COL4A3: variants seen among roughly 807,000 people sequenced by gnomAD.
COL4A3 encodes collagen alpha-3(IV) chain.
A neutral mutation model predicts 217.4 loss-of-function variants in COL4A3; 135 were observed. That is an observed-to-expected ratio of 0.62 (90% CI 0.54 to 0.72). The LOEUF (loss-of-function observed/expected upper bound fraction) is 0.72. Ranked by LOEUF, COL4A3 falls within the 30% of genes least tolerant of loss-of-function variation. The pLI, the probability that COL4A3 is intolerant of heterozygous loss-of-function variation, is 0.00. For synonymous variants in COL4A3, 690 were observed against 736.3 expected (o/e 0.94, Z 1.02); for missense variants, 1,868 against 2,119.9 (o/e 0.88, Z 2.33).
At chr2:227,273,271 G>C (rs1219831281) in intron 26 of COL4A3, among the ~76,000 whole-genome samples, 154 bp downstream of exon 26, 2 of 151,942 alleles carry the variant, frequency 1.3e-5, no homozygotes, top group Admixed American at 6.6e-5. Flanking sequence ...GAATATGTAG[G>C]GTATGTTAGA....
chr2:227,249,230 A>ATATATTTTTTTTTTTTTTTT, intron 9 of COL4A3, among the ~76,000 whole-genome samples: 2 of 14,694 alleles, frequency 1.4e-4, no homozygotes, highest in South Asian at 4.2e-3. Flanking sequence ...ATATATATAT[A>ATATATTTTTTTTTTTTTTTT]TTTTTTTTTT....
At chr2:227,300,478 A>G (rs1386974900) in intron 43 of COL4A3, among the ~76,000 whole-genome samples, 1 of 152,144 alleles carries the variant, frequency 6.6e-6, no homozygotes, top group African/African-American at 2.4e-5. Context: ...CTCTCAATTC[A>G]TATTCTCTCT....
intron 1 of COL4A3, among the ~76,000 whole-genome samples, chr2:227,172,345 C>T (rs2065507482): frequency 6.6e-6 from 1 of 152,158 alleles, no homozygotes; most frequent in Non-Finnish European, 1.5e-5. Context: ...TCATGCCTGA[C>T]TAGCTACCTA....
chr2:227,238,658 ATTGT>A (rs1160143456), intron 2 of COL4A3, among the ~76,000 whole-genome samples: 10 of 152,226 alleles, frequency 6.6e-5, no homozygotes, highest in African/African-American at 2.4e-4. Flanking sequence ...ACACTAATTA[ATTGT>A]TTAACAACAT....
chr2:227,288,819 C>T (rs1376323238), intron 34 of COL4A3, among the ~76,000 whole-genome samples: 1 of 152,160 alleles, frequency 6.6e-6, no homozygotes, highest in African/African-American at 2.4e-5. Context: ...GACAGAAGCC[C>T]AAATCCGCCC....
intron 28 of COL4A3, chr2:227,279,571 T>C (rs1433998370): frequency 5.6e-6 from 3 of 536,990 alleles, no homozygotes; most frequent in Non-Finnish European, 9.9e-6. Flanking sequence ...ATCAAAATCA[T>C]GGCCCTACTA....
At position 227,247,546 on chromosome 2, in the gene COL4A3, C is replaced by T; in HGVS notation, c.442-12C>T. 6.2e-7 allele frequency: 1 copy of T among 1,613,880 alleles called. No homozygotes were observed. Among genetic ancestry groups the T allele is most frequent in the Non-Finnish European group, 8.5e-7 (1 of 1,179,902 alleles). The stretch of plus-strand genomic sequence containing the variant: ...TATTCCTCTAGTTGTTCATAGGTTG[C>T]TTTTTTCCTAGGGTGCTGCTGGTTT... On this transcript the variant is annotated splice_polypyrimidine_tract_variant and intron_variant, in intron 7 of 51. Coordinates refer to ENST00000396578, the MANE Select transcript of COL4A3 (RefSeq NM_000091.5).
chr2:227,312,023 C>T lies in COL4A3; in HGVS notation c.*153C>T. ...CAATTTGTTTCCCCACAAAACAAAG[C>T]AATTCTTTCAAGTCAGTTCTGTGAT... On this transcript the variant is annotated 3_prime_UTR_variant, in exon 52 of 52. Coordinates refer to ENST00000396578, the MANE Select transcript of COL4A3 (RefSeq NM_000091.5). The T allele has an allele frequency of 7.3e-7, 1 of 1,364,962 alleles. No individual in the cohort carries two copies. Among genetic ancestry groups the T allele is most frequent in the South Asian group, 1.3e-5 (1 of 76,846 alleles). 84.6% of individuals were successfully genotyped at this position (1,364,962 alleles called of 1,614,324 possible).
chr2:227,175,593 C>T (rs1371335574), intron 1 of COL4A3, among the ~76,000 whole-genome samples: 1 of 152,122 alleles, frequency 6.6e-6, no homozygotes, highest in East Asian at 1.9e-4. Context: ...AAGGAATATG[C>T]TGAGTATTTT....
At chr2:227,183,666 A>C (rs566545103) in intron 1 of COL4A3, among the ~76,000 whole-genome samples, 1 of 152,304 alleles carries the variant, frequency 6.6e-6, no homozygotes, top group South Asian at 2.1e-4. Context: ...TGGACACCAG[A>C]AAACAGAGTG....
At chr2:227,199,425 A>G (rs1003815705) in intron 1 of COL4A3, among the ~76,000 whole-genome samples, 1 of 152,240 alleles carries the variant, frequency 6.6e-6, no homozygotes, top group African/African-American at 2.4e-5. Flanking sequence ...TTTAAATATA[A>G]CCAGGTAATC....
chr2:227,169,335 G>A (rs1427920991), intron 1 of COL4A3: 2 of 151,090 alleles, frequency 1.3e-5, no homozygotes, highest in South Asian at 4.2e-4. Flanking sequence ...ATTGTGAATA[G>A]TGCCGCAATA....
chr2:227,304,126 G>A lies in COL4A3; in HGVS notation c.4135G>A (p.Gly1379Arg), dbSNP rs1328474979. Residue 1379 changes from glycine (G) to arginine (R), a missense_variant, in exon 46 of 52, where the codon GGG (glycine) becomes AGG (arginine). Gly to Arg is a moderately radical substitution (Grantham distance 125). This residue lies in a region of COL4A3 where 1,503 missense variants were observed against 1,786.1 expected (regional missense o/e 0.84). Coordinates refer to ENST00000396578, the MANE Select transcript of COL4A3 (RefSeq NM_000091.5). ...PGMQGEPGPP[G>R]PPGNLGPCGP... ...GATGCAGGGAGAACCTGGGCCACCAGGGCCACCTGGAAACCTAGGTGTGGG... is the reference window on the plus strand; with the variant it reads ...GATGCAGGGAGAACCTGGGCCACCAAGGCCACCTGGAAACCTAGGTGTGGG... 1.2e-6 allele frequency: 2 copies of A among 1,614,018 alleles called. No individual in the cohort carries two copies. The highest frequency in any genetic ancestry group is 3.3e-5 in the Admixed American group (2 of 59,994).
Position 227,314,754 on chromosome 2 carries a change from T to G in COL4A3, c.*2884T>G, listed in dbSNP as rs964433363. 1 of 152,006 alleles carries G rather than the reference T, an allele frequency of 6.6e-6. No homozygotes were observed. Among genetic ancestry groups the G allele is most frequent in the Non-Finnish European group, 1.5e-5 (1 of 67,990 alleles). The allele number at this position is 152,006 out of a possible 1,614,324, so 9.4% of individuals were successfully genotyped here. On this transcript the variant is annotated 3_prime_UTR_variant, in exon 52 of 52. Transcript: ENST00000396578. ...CTGTAATTATATCTAAAATATTATT[T>G]TATTATATTGCCTAAGAATAAACAT... is the stretch of plus-strand genomic sequence containing the variant.
Position 227,295,075 on chromosome 2 carries a change from C to A in COL4A3, c.3517+13C>A. 1.2e-6 allele frequency: 2 copies of A among 1,608,344 alleles called. No individual in the cohort carries two copies. The highest frequency in any genetic ancestry group is 2.2e-5 in the South Asian group (2 of 90,922). ...AAGGGAGAAACGGGTACAACTTGCTCATTATCTTTGATCCGTTAGTTTTAT... is the reference window on the plus strand; with the variant it reads ...AAGGGAGAAACGGGTACAACTTGCTAATTATCTTTGATCCGTTAGTTTTAT... On this transcript the variant is annotated intron_variant, in intron 40 of 51. Transcript: ENST00000396578.
chr2:227,200,903 T>C (rs937421468), intron 1 of COL4A3, among the ~76,000 whole-genome samples: 4 of 152,216 alleles, frequency 2.6e-5, no homozygotes, highest in Non-Finnish European at 5.9e-5. Context: ...TCTCTGCTTA[T>C]GTTTTGTTTG....
chr2:227,252,739 G>A (rs952907338), intron 11 of COL4A3, among the ~76,000 whole-genome samples: 1 of 152,002 alleles, frequency 6.6e-6, no homozygotes, highest in Non-Finnish European at 1.5e-5. Context: ...TCTAACAAGG[G>A]GAAGATCTGC....
intron 8 of COL4A3, 22 bp downstream of exon 8, chr2:227,247,606 G>A (rs1281111917): frequency 6.2e-7 from 1 of 1,613,490 alleles, no homozygotes; most frequent in African/African-American, 1.3e-5. Flanking sequence ...GTGGAATGCT[G>A]TCACTGAAAA....
At chr2:227,173,883 AT>A (rs1418006210) in intron 1 of COL4A3, among the ~76,000 whole-genome samples, 1 of 152,114 alleles carries the variant, frequency 6.6e-6, no homozygotes, top group African/African-American at 2.4e-5. Context: ...AATGAGCCAC[AT>A]TTTCAAGCAT....
Sources: allele counts gnomAD v4.1 joint callset (sites outside exome capture counted in the v4.1 genomes callset), GRCh38; gene constraint gnomAD v4.1.1; regional missense constraint gnomAD v4.1.1; transcripts MANE v1.5; gene names NCBI Gene and HGNC (gene_info 2026-07-23, HGNC 2026-07-21).